PPP1R3G: variants seen among roughly 807,000 people sequenced by gnomAD.
PPP1R3G encodes the protein protein phosphatase 1, regulatory (inhibitor) subunit 3G.
A neutral mutation model predicts 2.0 loss-of-function variants in PPP1R3G; 3 were observed. The ratio of observed to expected loss-of-function variants is 1.47; its 90% confidence interval spans 0.67 to 3.81. PPP1R3G has a LOEUF of 3.81. Among genes scored for constraint, PPP1R3G ranks in the 30% most tolerant of loss-of-function variants. The pLI is 0.02. For missense variants in PPP1R3G, 595 were observed against 517.0 expected (o/e 1.15, Z -1.46); for synonymous variants, 267 against 250.9 (o/e 1.06, Z -0.61).
Position 5,085,418 on chromosome 6 carries a change from C to T in PPP1R3G, c.-68C>T. ...TGCAGCCCTGCGCTCCTTCCACGGC[C>T]CGAGGAGTTAGTTAAGTCTCCAGAG... On this transcript the variant is annotated 5_prime_UTR_variant, in exon 1 of 1. Transcript: ENST00000405617. The T allele has an allele frequency of 1.7e-6, 2 of 1,199,196 alleles. No homozygotes were observed. The highest frequency in any genetic ancestry group is 2.3e-6 in the Non-Finnish European group (2 of 868,032). The allele number at this position is 1,199,196 out of a possible 1,614,324, so 74.3% of individuals were successfully genotyped here. A position where few individuals can be genotyped will look rare whatever the true frequency, so the allele number is the denominator to read the frequency against.
Position 5,086,400 on chromosome 6 carries a change from C to A in PPP1R3G, c.915C>A (p.Cys305Ter), listed in dbSNP as rs1399238725. 6.5e-7 allele frequency: 1 copy of A among 1,536,288 alleles called. No individual in the cohort carries two copies. Among genetic ancestry groups the A allele is most frequent in the East Asian group, 2.4e-5 (1 of 40,898 alleles). ...CCGAGTGCTTCCACTTCTCGCTGTG[C>A]CTGCCCCCGGGCCTGCAGCCTGAGG... ...PGAECFHFSL[C>*]LPPGLQPEDE... The change falls in exon 1 of 1, where the codon TGC becomes TGA. Residue 305 changes from cysteine to a stop codon, truncating the protein, a stop_gained. Transcript: ENST00000405617. LOFTEE classifies it low-confidence loss of function (END_TRUNC).
Position 5,085,499 on chromosome 6 carries a change from G to C in PPP1R3G, c.14G>C (p.Gly5Ala). The C allele has an allele frequency of 6.5e-7, 1 of 1,536,348 alleles. No homozygotes were observed. The highest frequency in any genetic ancestry group is 2.3e-4 in the Middle Eastern group (1 of 4,370). The change falls in exon 1 of 1, where the codon GGG becomes GCG. Residue 5 changes from glycine (G) to alanine (A), a missense_variant. Coordinates refer to ENST00000405617, the MANE Select transcript of PPP1R3G (RefSeq NM_001145115.3). Reference sequence around the variant, plus strand: ...GCGAACGGCGTCATGGAGCCCATAGGGGCGCGGCTAAGTTTGGAGGCGCCG... The same window carrying C: ...GCGAACGGCGTCATGGAGCCCATAGCGGCGCGGCTAAGTTTGGAGGCGCCG... MEPI[G>A]ARLSLEAPGP...
chr6:5,085,712 G>A lies in PPP1R3G; in HGVS notation c.227G>A (p.Cys76Tyr). ...APQEQEELLE[C>Y]RRRCRARSFS... ...CAGGAGCAGGAGGAGCTGCTGGAAT[G>A]CCGCCGCCGCTGCCGCGCGCGCTCC... Residue 76 changes from cysteine (C) to tyrosine (Y), a missense_variant, in exon 1 of 1, where the codon TGC becomes TAC. By Grantham distance (194) the Cys-to-Tyr change is radical. Coordinates refer to ENST00000405617, the MANE Select transcript of PPP1R3G (RefSeq NM_001145115.3). 6.5e-7 allele frequency: 1 copy of A among 1,546,454 alleles called. No homozygotes were observed. Among genetic ancestry groups the A allele is most frequent in the Non-Finnish European group, 8.7e-7 (1 of 1,145,804 alleles).
In PPP1R3G at chr6:5,086,745, C is replaced by T. The variant is rs1762045236; in HGVS notation, c.*183C>T. 2 of 603,898 alleles carry T rather than the reference C, an allele frequency of 3.3e-6. No individual in the cohort carries two copies. Among genetic ancestry groups the T allele is most frequent in the Non-Finnish European group, 5.8e-6 (2 of 344,808 alleles). The allele number at this position is 603,898 out of a possible 1,614,324, so 37.4% of individuals were successfully genotyped here. ...GCACCCCCGCAGACAAGTGAGCGAG[C>T]TTAGAGAGCCCGGGCAATGCTCCGA... On this transcript the variant is annotated 3_prime_UTR_variant, in exon 1 of 1. Transcript: ENST00000405617.
Position 5,085,765 on chromosome 6 carries a change from C to A in PPP1R3G, c.280C>A (p.Gln94Lys), listed in dbSNP as rs1250489920. Residue 94 changes from glutamine to lysine, a missense_variant, in exon 1 of 1, where the codon CAG becomes AAG. Physicochemically the swap from Gln to Lys is moderately conservative, Grantham distance 53. Transcript: ENST00000405617. ...TTCCTTGCCCGCCGACCCCATCTTGCAGGCGGCCAAGTTCCTGCAGCAGCA... is the reference window on the plus strand; with the variant it reads ...TTCCTTGCCCGCCGACCCCATCTTGAAGGCGGCCAAGTTCCTGCAGCAGCA... Reference protein sequence around the residue: ...SFSLPADPILQAAKFLQQQQQ... With the variant: ...SFSLPADPILKAAKFLQQQQQ... 3 of 1,536,318 alleles carry A rather than the reference C, an allele frequency of 2.0e-6. No individual in the cohort carries two copies. Among genetic ancestry groups the A allele is most frequent in the South Asian group, 1.2e-5 (1 of 83,136 alleles).
rs569148208 is a variant in PPP1R3G at position 5,086,290 on chromosome 6, C to T, written c.805C>T (p.Pro269Ser). The part of the protein sequence containing the change: ...SFLDVPAELQ[P>S]EPLEPQQPEA... Reference sequence around the variant, plus strand: ...CCTGGACGTGCCGGCTGAGCTGCAGCCCGAGCCGCTGGAGCCACAGCAGCC... The same window carrying T: ...CCTGGACGTGCCGGCTGAGCTGCAGTCCGAGCCGCTGGAGCCACAGCAGCC... Residue 269 changes from proline (P) to serine (S), a missense_variant, in exon 1 of 1, where the codon CCC becomes TCC. Coordinates refer to ENST00000405617, the MANE Select transcript of PPP1R3G (RefSeq NM_001145115.3). The T allele has an allele frequency of 1.1e-5, 17 of 1,535,556 alleles. No individual in the cohort carries two copies. In the South Asian group the frequency reaches 1.9e-4, roughly 17 times the overall value.
In PPP1R3G at chr6:5,085,848, G is replaced by A. The variant is rs1172495549; in HGVS notation, c.363G>A (p.Pro121=). 6.5e-7 allele frequency: 1 copy of A among 1,529,624 alleles called. No individual in the cohort carries two copies. The highest frequency in any genetic ancestry group is 8.7e-7 in the Non-Finnish European group (1 of 1,143,086). The allele number at this position is 1,529,624 out of a possible 1,614,324, so 94.8% of individuals were successfully genotyped here. A position where few individuals can be genotyped will look rare whatever the true frequency, so the allele number is the denominator to read the frequency against. Residue 121 remains proline (P), a synonymous_variant, in exon 1 of 1, where the codon CCG becomes CCA. Transcript: ENST00000405617. ...GEGAEDAQLG[P]GGCCAKCKKR... is the part of the protein sequence containing the mutation. Reference sequence around the variant, plus strand: ...GGGCGGAGGACGCACAGCTCGGCCCGGGCGGCTGCTGCGCCAAGTGCAAGA... The same window carrying A: ...GGGCGGAGGACGCACAGCTCGGCCCAGGCGGCTGCTGCGCCAAGTGCAAGA...
chr6:5,085,468 C>A lies in PPP1R3G; in HGVS notation c.-18C>A. ...GGGGCCCGGTTCGGCCCGAGCAAGT[C>A]CAGGGGCGAACGGCGTCATGGAGCC... is the stretch of plus-strand genomic sequence containing the variant. On this transcript the variant is annotated 5_prime_UTR_variant, in exon 1 of 1. Transcript: ENST00000405617. 1 of 1,521,516 alleles carries A rather than the reference C, an allele frequency of 6.6e-7. No individual in the cohort carries two copies. Among genetic ancestry groups the A allele is most frequent in the Non-Finnish European group, 8.8e-7 (1 of 1,136,202 alleles). The allele number at this position is 1,521,516 out of a possible 1,614,324, so 94.3% of individuals were successfully genotyped here. A position where few individuals can be genotyped will look rare whatever the true frequency, so the allele number is the denominator to read the frequency against.
rs1426479798 is a variant in PPP1R3G at position 5,086,190 on chromosome 6, CT to C, written c.706del (p.Ser236ProfsTer13). On this transcript the variant is annotated frameshift_variant, in exon 1 of 1. Coordinates refer to ENST00000405617, the MANE Select transcript of PPP1R3G (RefSeq NM_001145115.3). LOFTEE classifies it low-confidence loss of function (END_TRUNC). ...CGGCCTCGGGCGCTGAGGTGAAGGG[CT>C]CCGGCCGGGTGCTCAGCTGCCCTGG... Reference protein sequence around the residue: ...STASGAEVKGSGRVLSCPGPR... With the variant: ...STASGAEVKGXGRVLSCPGPR... 3.6e-5 allele frequency: 55 copies of C among 1,533,940 alleles called. No individual in the cohort carries two copies. In the Middle Eastern group the frequency reaches 5.1e-4, roughly 14 times the overall value.
In PPP1R3G at chr6:5,085,550, C is replaced by G; in HGVS notation, c.65C>G (p.Pro22Arg). 1 of 1,541,292 alleles carries G rather than the reference C, an allele frequency of 6.5e-7. No homozygotes were observed. The highest frequency in any genetic ancestry group is 1.4e-5 in the African/African-American group (1 of 72,988). Reference sequence around the variant, plus strand: ...GGACCAGCGCCCTTCCGAGAGGCCCCGCCGGCCGAGGAGCTGCCCGCCCCG... The same window carrying G: ...GGACCAGCGCCCTTCCGAGAGGCCCGGCCGGCCGAGGAGCTGCCCGCCCCG... ...APGPAPFREA[P>R]PAEELPAPVV... is the part of the protein sequence containing the mutation. Residue 22 changes from proline (P) to arginine (R), a missense_variant, in exon 1 of 1, where the codon CCG (proline) becomes CGG (arginine). Transcript: ENST00000405617.
In PPP1R3G at chr6:5,088,024, T is replaced by C. The variant is rs924143022; in HGVS notation, c.*1462T>C. 6.6e-6 allele frequency: 1 copy of C among 152,228 alleles called. No homozygotes were observed. Among genetic ancestry groups the C allele is most frequent in the African/African-American group, 2.4e-5 (1 of 41,448 alleles). 9.4% of individuals were successfully genotyped at this position (152,228 alleles called of 1,614,324 possible). On this transcript the variant is annotated 3_prime_UTR_variant, in exon 1 of 1. Coordinates refer to ENST00000405617, the MANE Select transcript of PPP1R3G (RefSeq NM_001145115.3). ...GTACATTTGGCCCATGGGCCAAATT[T>C]GGCACACAGCTTATTCTTGTAGGGC...
chr6:5,088,438 T>G lies in PPP1R3G; in HGVS notation c.*1876T>G, dbSNP rs1417784958. On this transcript the variant is annotated 3_prime_UTR_variant, in exon 1 of 1. Transcript: ENST00000405617. Reference sequence around the variant, plus strand: ...GAAAAAAATTCAAAAGAAAGTACTATTTGGTGGCACGTGAGAATTATATAA... The same window carrying G: ...GAAAAAAATTCAAAAGAAAGTACTAGTTGGTGGCACGTGAGAATTATATAA... 1.3e-5 allele frequency: 2 copies of G among 152,228 alleles called. No individual in the cohort carries two copies. The highest frequency in any genetic ancestry group is 2.9e-5 in the Non-Finnish European group (2 of 68,042). 9.4% of individuals were successfully genotyped at this position (152,228 alleles called of 1,614,324 possible). A position where few individuals can be genotyped will look rare whatever the true frequency, so the allele number is the denominator to read the frequency against.
rs1367314890 is a variant in PPP1R3G at position 5,086,533 on chromosome 6, C to T, written c.1048C>T (p.Arg350Cys). Residue 350 changes from arginine (R) to cysteine (C), a missense_variant, in exon 1 of 1, where the codon CGC (arginine) becomes TGC (cysteine). Coordinates refer to ENST00000405617, the MANE Select transcript of PPP1R3G (RefSeq NM_001145115.3). Reference sequence around the variant, plus strand: ...CAACGCGGGCGCCAACTACACGCTGCGCTACGCGCGCCCTGCGGACGCGCT... The same window carrying T: ...CAACGCGGGCGCCAACTACACGCTGTGCTACGCGCGCCCTGCGGACGCGCT... Reference protein sequence around the residue: ...DNNAGANYTLRYARPADAL With the variant: ...DNNAGANYTLCYARPADAL 6.5e-7 allele frequency: 1 copy of T among 1,530,180 alleles called. No individual in the cohort carries two copies. Among genetic ancestry groups the T allele is most frequent in the Non-Finnish European group, 8.8e-7 (1 of 1,140,616 alleles). The allele number at this position is 1,530,180 out of a possible 1,614,324, so 94.8% of individuals were successfully genotyped here.
chr6:5,086,585 G>C lies in PPP1R3G; in HGVS notation c.*23G>C, dbSNP rs918769815. On this transcript the variant is annotated 3_prime_UTR_variant, in exon 1 of 1. Coordinates refer to ENST00000405617, the MANE Select transcript of PPP1R3G (RefSeq NM_001145115.3). ...TGAGCCTGGAGAGTTTCGAAGAGCC[G>C]TGGGGCGGGGTTGATTAGCACGTGG... The C allele has an allele frequency of 4.8e-6, 7 of 1,466,642 alleles. No homozygotes were observed. Among genetic ancestry groups the C allele is most frequent in the Non-Finnish European group, 6.3e-6 (7 of 1,106,418 alleles). The allele number at this position is 1,466,642 out of a possible 1,614,324, so 90.9% of individuals were successfully genotyped here.
chr6:5,086,018 G>T lies in PPP1R3G; in HGVS notation c.533G>T (p.Gly178Val), dbSNP rs759903596. 4.7e-6 allele frequency: 7 copies of T among 1,497,360 alleles called. No individual in the cohort carries two copies. The Admixed American group carries it at 1.5e-4, about 32-fold the overall frequency. The allele number at this position is 1,497,360 out of a possible 1,614,324, so 92.8% of individuals were successfully genotyped here. A position where few individuals can be genotyped will look rare whatever the true frequency, so the allele number is the denominator to read the frequency against. Residue 178 changes from glycine to valine, a missense_variant, in exon 1 of 1, where the codon GGG (glycine) becomes GTG (valine). By Grantham distance (109) the Gly-to-Val change is moderately radical. Coordinates refer to ENST00000405617, the MANE Select transcript of PPP1R3G (RefSeq NM_001145115.3). ...CGTGCCGAGGACCTGGAGCAGCTCG[G>T]GGGGCTGCTGGCCGCGGCGGCAGTG... ...PMRAEDLEQL[G>V]GLLAAAAVAA...
rs1407921214 is a variant in PPP1R3G at position 5,086,115 on chromosome 6, C to T, written c.630C>T (p.Ala210=). The change falls in exon 1 of 1, where the codon GCC becomes GCT. Residue 210 remains alanine, a synonymous_variant. Transcript: ENST00000405617. The part of the protein sequence containing the change: ...LFQLPGPSAA[A]ERLQRQRVCL... ...AGCTCCCGGGGCCGAGCGCCGCGGC[C>T]GAGCGTCTGCAGCGGCAGCGCGTGT... The T allele has an allele frequency of 6.8e-7, 1 of 1,464,716 alleles. No individual in the cohort carries two copies. The highest frequency in any genetic ancestry group is 8.9e-7 in the Non-Finnish European group (1 of 1,117,426). 90.7% of individuals were successfully genotyped at this position (1,464,716 alleles called of 1,614,324 possible).
In PPP1R3G at chr6:5,085,911, G is replaced by A; in HGVS notation, c.426G>A (p.Leu142=). ...VQFADTLGLS[L]ASVKHFSEAE... ...TCGCGGACACGCTGGGGCTAAGCCTGGCCAGCGTGAAGCACTTCAGCGAGG... is the reference window on the plus strand; with the variant it reads ...TCGCGGACACGCTGGGGCTAAGCCTAGCCAGCGTGAAGCACTTCAGCGAGG... The change falls in exon 1 of 1, where the codon CTG becomes CTA. Residue 142 remains leucine (L), a synonymous_variant. Transcript: ENST00000405617. 1.3e-6 allele frequency: 2 copies of A among 1,531,190 alleles called. No individual in the cohort carries two copies. The highest frequency in any genetic ancestry group is 1.7e-6 in the Non-Finnish European group (2 of 1,145,068). The allele number at this position is 1,531,190 out of a possible 1,614,324, so 94.9% of individuals were successfully genotyped here. A position where few individuals can be genotyped will look rare whatever the true frequency, so the allele number is the denominator to read the frequency against.
chr6:5,086,716 A>C lies in PPP1R3G; in HGVS notation c.*154A>C. On this transcript the variant is annotated 3_prime_UTR_variant, in exon 1 of 1. Transcript: ENST00000405617. ...AAAGGAGGGAGACTTTGAACCGTCG[A>C]CTCGCACCCCCGCAGACAAGTGAGC... 3.1e-6 allele frequency: 2 copies of C among 644,528 alleles called. No individual in the cohort carries two copies. Among genetic ancestry groups the C allele is most frequent in the East Asian group, 2.8e-5 (1 of 35,986 alleles). The allele number at this position is 644,528 out of a possible 1,614,324, so 39.9% of individuals were successfully genotyped here.
At position 5,087,563 on chromosome 6, in the gene PPP1R3G, C is replaced by T. The variant is rs1762074801; in HGVS notation, c.*1001C>T. 6.6e-6 allele frequency: 1 copy of T among 152,328 alleles called. No individual in the cohort carries two copies. The highest frequency in any genetic ancestry group is 2.1e-4 in the South Asian group (1 of 4,828). The allele number at this position is 152,328 out of a possible 1,614,324, so 9.4% of individuals were successfully genotyped here. On this transcript the variant is annotated 3_prime_UTR_variant, in exon 1 of 1. Transcript: ENST00000405617. ...CACACTGTTAGGAGACTTGCCGGGC[C>T]ATTAGCAGTCAGAGAAGCTGGGCCC... is the stretch of plus-strand genomic sequence containing the variant.
Sources: gnomAD v4.1 joint callset for allele counts on GRCh38, gnomAD v4.1.1 for gene constraint, MANE v1.5 for transcripts, NCBI Gene and HGNC (gene_info 2026-07-23, HGNC 2026-07-21) for gene names.